The following RASAL2 variants were observed in gnomAD, a reference collection of about 807,000 sequenced individuals.
RASAL2 encodes RAS protein activator like 2, also known as ras GTPase-activating protein nGAP.
Under a neutral mutation model 128.9 loss-of-function variants are expected in RASAL2, and 58 were observed. The observed-to-expected ratio is 0.45, with a 90% CI of 0.36 to 0.56. The LOEUF is 0.56. Among genes scored for constraint, RASAL2 ranks in the 20% least tolerant of loss-of-function variants. The pLI is 0.00. For missense variants in RASAL2, 1,360 were observed against 1,601.6 expected (o/e 0.85, Z 2.57); for synonymous variants, 561 against 580.8 (o/e 0.97, Z 0.49).
chr1:178,273,394 T>G (rs1417998200), intron 1 of RASAL2, among the ~76,000 whole-genome samples: 3 of 152,214 alleles, frequency 2.0e-5, no homozygotes, highest in Admixed American at 6.5e-5. Flanking sequence ...TTATTTGCAT[T>G]CATTATATAT....
At chr1:178,457,195 T>C (rs139818826) in intron 13 of RASAL2, among the ~76,000 whole-genome samples, 11 of 152,368 alleles carry the variant, frequency 7.2e-5, no homozygotes, top group African/African-American at 1.9e-4. Flanking sequence ...CTGTACGTTA[T>C]AGCATTCAAA....
chr1:178,197,101 T>G (rs950132988), intron 1 of RASAL2, among the ~76,000 whole-genome samples: 1 of 152,068 alleles, frequency 6.6e-6, no homozygotes, highest in African/African-American at 2.4e-5. Flanking sequence ...ATCACTTGAG[T>G]TCAGGAGTTA....
intron 3 of RASAL2, among the ~76,000 whole-genome samples, chr1:178,333,570 C>T (rs1347556121): frequency 6.6e-6 from 1 of 152,074 alleles, no homozygotes; most frequent in Non-Finnish European, 1.5e-5. Flanking sequence ...AAATTGCAAC[C>T]TCTGGCATAA....
chr1:178,176,529 C>T (rs1486331657), intron 1 of RASAL2, among the ~76,000 whole-genome samples: 3 of 152,006 alleles, frequency 2.0e-5, no homozygotes, highest in Admixed American at 6.6e-5. Flanking sequence ...TTAGACGCAG[C>T]CTCAGAATCT....
chr1:178,314,506 T>G (rs1217040188), intron 3 of RASAL2, among the ~76,000 whole-genome samples: 1 of 152,246 alleles, frequency 6.6e-6, no homozygotes, highest in African/African-American at 2.4e-5. Context: ...ACAAGTGTTA[T>G]GTTTCAAACT....
intron 1 of RASAL2, among the ~76,000 whole-genome samples, chr1:178,115,014 A>G (rs1270207931): frequency 6.6e-6 from 1 of 152,198 alleles, no homozygotes; most frequent in Non-Finnish European, 1.5e-5. Context: ...CGTAGTATAC[A>G]TTATAAATTT....
chr1:178,245,333 A>G (rs1340011761), intron 1 of RASAL2, among the ~76,000 whole-genome samples: 1 of 152,208 alleles, frequency 6.6e-6, no homozygotes, highest in African/African-American at 2.4e-5. Context: ...ACCAGTGATG[A>G]TGAGCTTTTT....
chr1:178,216,942 C>G (rs1211450834), intron 1 of RASAL2, among the ~76,000 whole-genome samples: 2 of 151,682 alleles, frequency 1.3e-5, no homozygotes, highest in African/African-American at 4.8e-5. Flanking sequence ...GAAGTTGCAC[C>G]CTTAATTTTT....
chr1:178,283,542 G>T, intron 1 of RASAL2, 22 bp from the exon 2 acceptor site: 2 of 1,600,546 alleles, frequency 1.2e-6, no homozygotes, highest in African/African-American at 1.3e-5. Flanking sequence ...TGTCACTTTT[G>T]TTTTTCCCTT....
chr1:178,130,287 A>G (rs1660055429), intron 1 of RASAL2, among the ~76,000 whole-genome samples: 1 of 152,212 alleles, frequency 6.6e-6, no homozygotes, highest in Admixed American at 6.5e-5. Context: ...TTGGCAGGTC[A>G]TATGACTTTG....
intron 3 of RASAL2, among the ~76,000 whole-genome samples, chr1:178,382,685 G>A (rs1454952744): frequency 6.6e-6 from 1 of 152,104 alleles, no homozygotes; most frequent in Non-Finnish European, 1.5e-5. Context: ...AAAACATGTA[G>A]CAAATAATAA....
chr1:178,410,994 A>G (rs1674333777), intron 4 of RASAL2, among the ~76,000 whole-genome samples: 1 of 152,218 alleles, frequency 6.6e-6, no homozygotes, highest in South Asian at 2.1e-4. Flanking sequence ...TAGAACTGCC[A>G]TTTGATCCAG....
chr1:178,249,703 T>C (rs1259127956), intron 1 of RASAL2, among the ~76,000 whole-genome samples: 1 of 152,204 alleles, frequency 6.6e-6, no homozygotes, highest in Non-Finnish European at 1.5e-5. Context: ...TTGAGTCCAA[T>C]GACCTTTGGA....
chr1:178,457,970 C>T lies in RASAL2; in HGVS notation c.2678C>T (p.Thr893Ile). ...QVASIKQLRE[T>I]QSTPQSAPQV... The stretch of plus-strand genomic sequence containing the variant: ...GCCAGCATCAAACAGCTGCGGGAAA[C>T]CCAGAGCACTCCCCAAAGTGCACCC... Residue 893 changes from threonine (T) to isoleucine (I), a missense_variant, in exon 14 of 18, where the codon ACC (threonine) becomes ATC (isoleucine). Physicochemically the swap from Thr to Ile is moderately conservative, Grantham distance 89. Coordinates refer to ENST00000367649, the MANE Select transcript of RASAL2 (RefSeq NM_170692.4). 6.2e-7 allele frequency: 1 copy of T among 1,614,094 alleles called. No individual in the cohort carries two copies.
At chr1:178,384,708 A>G (rs749703104) in intron 3 of RASAL2, among the ~76,000 whole-genome samples, 1 of 151,644 alleles carries the variant, frequency 6.6e-6, no homozygotes. Context: ...AAAACTCAAT[A>G]TGAGCTAAAA....
chr1:178,120,126 G>A lies in RASAL2; in HGVS notation c.202+25432G>A, dbSNP rs76921543. ...AAAGGCTTGTGTTTTAACGCAGGGC[G>A]CTTGGTCTCCATGTGGCGAAGCAGT... On this transcript the variant is annotated intron_variant, in intron 1 of 17. Coordinates refer to ENST00000367649, the MANE Select transcript of RASAL2 (RefSeq NM_170692.4). Among the ~76,000 whole-genome samples the A allele has an allele frequency of 6.3e-3, 959 of 152,296 alleles. 7 individuals carry two copies. The highest frequency in any genetic ancestry group is 0.022 in the African/African-American group (906 of 41,548).
rs374544024 is a variant in RASAL2 at position 178,390,245 on chromosome 1, C to T, written c.564+39C>T. On this transcript the variant is annotated intron_variant, in intron 4 of 17. Coordinates refer to ENST00000367649, the MANE Select transcript of RASAL2 (RefSeq NM_170692.4). ...TTCTTTATAAGAATATTTTACTTTT[C>T]CTTTTCTCCTTTCTTCTTAGAGTTA... is the stretch of plus-strand genomic sequence containing the variant. The T allele has an allele frequency of 3.4e-6, 5 of 1,458,122 alleles. No homozygotes were observed. In the African/African-American group the frequency reaches 4.2e-5, roughly 12 times the overall value. The allele number at this position is 1,458,122 out of a possible 1,614,324, so 90.3% of individuals were successfully genotyped here. A position where few individuals can be genotyped will look rare whatever the true frequency, so the allele number is the denominator to read the frequency against.
chr1:178,315,454 G>A (rs1367804581), intron 3 of RASAL2, among the ~76,000 whole-genome samples: 6 of 144,788 alleles, frequency 4.1e-5, no homozygotes, highest in Admixed American at 1.4e-4. Context: ...AGCACCTGTC[G>A]TTTCCTGACT....
intron 1 of RASAL2, among the ~76,000 whole-genome samples, chr1:178,141,462 G>T (rs1028537612): frequency 5.9e-5 from 9 of 151,978 alleles, no homozygotes; most frequent in Non-Finnish European, 5.9e-5. Context: ...AAAGTCCTGT[G>T]TTTAAAGGTA....
Sources: gnomAD v4.1 joint callset for allele counts (sites outside exome capture counted in the v4.1 genomes callset) on GRCh38, gnomAD v4.1.1 for gene constraint, MANE v1.5 for transcripts, NCBI Gene and HGNC (gene_info 2026-07-23, HGNC 2026-07-21) for gene names.